TTN: variants seen among roughly 807,000 people sequenced by gnomAD.
TTN encodes the protein connectin.
Under a neutral mutation model 3,223.0 loss-of-function variants are expected in TTN, and 1,525 were observed. The observed-to-expected ratio is 0.47, with a 90% CI of 0.45 to 0.49. The LOEUF (loss-of-function observed/expected upper bound fraction) is 0.49. Among genes scored for constraint, TTN ranks in the 20% least tolerant of loss-of-function variants. TTN has a pLI of 0.00. For missense variants in TTN, 40,786 were observed against 43,424.0 expected (o/e 0.94, Z 5.40); for synonymous variants, 14,094 against 15,161.0 (o/e 0.93, Z 5.17).
At position 178,657,416 on chromosome 2, in the gene TTN, AAT is replaced by A. The variant is rs1214264824; in HGVS notation, c.38038+80_38038+81del. On this transcript the variant is annotated intron_variant, in intron 189 of 362. Transcript: ENST00000589042. ...ACCCTAGAACTTAAAGTATAATAAA[AAT>A]ATATATATATATAAAAAGAAAAATA... The A allele has an allele frequency of 1.7e-3, 940 of 544,078 alleles. 1 individual carries two copies. Among genetic ancestry groups the A allele is most frequent in the South Asian group, 2.7e-3 (42 of 15,524 alleles). 33.7% of individuals were successfully genotyped at this position (544,078 alleles called of 1,614,324 possible).
In TTN at chr2:178,526,732, T is replaced by C. The variant is rs549242855; in HGVS notation, c.*280A>G. 6.2e-5 allele frequency: 16 copies of C among 258,970 alleles called. No homozygotes were observed. The South Asian group carries it at 1.9e-3, about 31-fold the overall frequency. 16.0% of individuals were successfully genotyped at this position (258,970 alleles called of 1,614,324 possible). ...AACTTTCTCCTACCAACAGTTAGTT[T>C]CAAAACTTACATTGTAAAATGTCAT... On this transcript the variant is annotated 3_prime_UTR_variant, in exon 363 of 363. Transcript: ENST00000589042.
At position 178,568,775 on chromosome 2, in the gene TTN, G is replaced by T; in HGVS notation, c.77357C>A (p.Ala25786Glu). The change falls in exon 326 of 363, where the codon GCA becomes GAA. Residue 25786 changes from alanine to glutamate, a missense_variant. Physicochemically the swap from Ala to Glu is moderately radical, Grantham distance 107 (BLOSUM62 -1). Transcript: ENST00000589042. ...EKGRSDPRSLAVPIVAKDLVI... is the reference protein window; with the variant it reads ...EKGRSDPRSLEVPIVAKDLVI... The stretch of plus-strand genomic sequence containing the variant: ...CAGATCTTTGGCAACTATTGGAACT[G>T]CAAGGGACCGAGGATCACTTCTCCC... The T allele has an allele frequency of 2.5e-6, 4 of 1,612,916 alleles. No homozygotes were observed. The highest frequency in any genetic ancestry group is 3.4e-6 in the Non-Finnish European group (4 of 1,179,326).
rs879219987 is a variant in TTN at position 178,548,336 on chromosome 2, C to T, written c.93290G>A (p.Gly31097Asp). ...TGGCATTTCATAGGGCTCACCAACACCATACTCATTTACTGCAGAAACACG... is the reference window on the plus strand; with the variant it reads ...TGGCATTTCATAGGGCTCACCAACATCATACTCATTTACTGCAGAAACACG... The part of the protein sequence containing the change: ...YFRVSAVNEY[G>D]VGEPYEMPEP... The change falls in exon 339 of 363, where the codon GGT becomes GAT. Residue 31097 changes from glycine (G) to aspartate (D), a missense_variant. Gly to Asp is a moderately conservative substitution (Grantham distance 94). Transcript: ENST00000589042. The surrounding 1 kb of genome is among the most constrained non-coding windows in gnomAD (Gnocchi z 4.3). 6.2e-7 allele frequency: 1 copy of T among 1,613,864 alleles called. No individual in the cohort carries two copies.
Position 178,532,425 on chromosome 2 carries a change from G to C in TTN, c.104190C>G (p.Thr34730=). The C allele has an allele frequency of 6.2e-7, 1 of 1,613,956 alleles. No individual in the cohort carries two copies. Among genetic ancestry groups the C allele is most frequent in the Non-Finnish European group, 8.5e-7 (1 of 1,179,880 alleles). ...EETRKDFRYS[T]YHIPTKAEAS... ...CTTCAGCCTTCGTTGGGATGTGATA[G>C]GTTGAATACCTGAAGTCTTTTCTTG... Residue 34730 remains threonine, a synonymous_variant, in exon 358 of 363, where the codon ACC becomes ACG. Transcript: ENST00000589042.
At position 178,562,615 on chromosome 2, in the gene TTN, T is replaced by C; in HGVS notation, c.83517A>G (p.Arg27839=). The change falls in exon 326 of 363, where the codon CGA becomes CGG. Residue 27839 remains arginine (R), a synonymous_variant. Transcript: ENST00000589042. ...NLQEGCSYYF[R]VLASNEYGIG... ...TCCCATATTCATTGGAAGCCAAGAC[T>C]CGGAAGTAGTAAGAACATCCTTCTT... 6.2e-7 allele frequency: 1 copy of C among 1,610,368 alleles called. No homozygotes were observed. Among genetic ancestry groups the C allele is most frequent in the Non-Finnish European group, 8.5e-7 (1 of 1,178,672 alleles).
At position 178,542,437 on chromosome 2, in the gene TTN, CGTT is replaced by C; in HGVS notation, c.97316_97318del (p.Gln32439del). 1 of 1,613,666 alleles carries C rather than the reference CGTT, an allele frequency of 6.2e-7. No homozygotes were observed. The highest frequency in any genetic ancestry group is 8.5e-7 in the Non-Finnish European group (1 of 1,179,712). On this transcript the variant is annotated inframe_deletion, in exon 349 of 363. Transcript: ENST00000589042. Reference sequence around the variant, plus strand: ...CAGCCATCCTGGACGATGAGCGTCACGTTGTTCTACCACATAACCACTCAGTGG... The same window carrying C: ...CAGCCATCCTGGACGATGAGCGTCACGTTCTACCACATAACCACTCAGTGG...
rs794729308 is a variant in TTN, at chr2:178,740,491, G to A, written c.12742C>T (p.Gln4248Ter). Reference sequence around the variant, plus strand: ...TCTTGCTTTTGAAGAGTCACTCTTTGCTCTCTGTTGGTGTCAGATACTGTC... The same window carrying A: ...TCTTGCTTTTGAAGAGTCACTCTTTACTCTCTGTTGGTGTCAGATACTGTC... ...EKTVSDTNRE[Q>*]RVTLQKQEAQ... is the part of the protein sequence containing the mutation. Residue 4248 changes from glutamine to a stop codon, truncating the protein, a stop_gained, in exon 48 of 363, where the codon CAA becomes TAA. Coordinates refer to ENST00000589042, the MANE Select transcript of TTN (RefSeq NM_001267550.2). LOFTEE classifies it high-confidence loss of function. 12 of 1,613,724 alleles carry A rather than the reference G, an allele frequency of 7.4e-6. No homozygotes were observed. The highest frequency in any genetic ancestry group is 1.0e-5 in the Non-Finnish European group (12 of 1,179,794).
intron 159 of TTN, 79 bp downstream of exon 159, chr2:178,669,294 T>C (rs2066536846): frequency 8.3e-7 from 1 of 1,201,524 alleles, no homozygotes; most frequent in South Asian, 1.5e-5. Flanking sequence ...TATTTACTTT[T>C]CAAAGCTAAA....
Position 178,601,408 on chromosome 2 carries a change from T to A in TTN, c.55589A>T (p.Asn18530Ile). Reference sequence around the variant, plus strand: ...AAATGTGGTGCTTCCACAGTCTGGATTGACTTTGGTCCAGGCTTTTCCATC... The same window carrying A: ...AAATGTGGTGCTTCCACAGTCTGGAATGACTTTGGTCCAGGCTTTTCCATC... ...TIDGKAWTKV[N>I]PDCGSTTFVV... The change falls in exon 287 of 363, where the codon AAT becomes ATT. Residue 18530 changes from asparagine (N) to isoleucine (I), a missense_variant. Coordinates refer to ENST00000589042, the MANE Select transcript of TTN (RefSeq NM_001267550.2). The A allele has an allele frequency of 6.2e-7, 1 of 1,612,812 alleles. No individual in the cohort carries two copies. The highest frequency in any genetic ancestry group is 1.3e-5 in the African/African-American group (1 of 74,974).
At position 178,576,312 on chromosome 2, in the gene TTN, C is replaced by T. The variant is rs786205331; in HGVS notation, c.69820G>A (p.Gly23274Ser). The change falls in exon 326 of 363, where the codon GGC (glycine) becomes AGC (serine). Residue 23274 changes from glycine to serine, a missense_variant. Coordinates refer to ENST00000589042, the MANE Select transcript of TTN (RefSeq NM_001267550.2). This position sits in a 1 kb window ranked among gnomAD's most constrained non-coding sequence, Gnocchi z 4.3. Reference protein sequence around the residue: ...PHYDGGLEITGYVVEHQKVGD... With the variant: ...PHYDGGLEITSYVVEHQKVGD... ...ACTTTTTGATGCTCCACGACATAGC[C>T]AGTGATTTCAAGTCCACCATCATAA... 1 of 1,575,402 alleles carries T rather than the reference C, an allele frequency of 6.3e-7. No individual in the cohort carries two copies. Among genetic ancestry groups the T allele is most frequent in the South Asian group, 1.2e-5 (1 of 83,454 alleles).
rs2050026359 is a variant in TTN, at chr2:178,590,723, T to C, written c.61002A>G (p.Gly20334=). 1 of 1,612,442 alleles carries C rather than the reference T, an allele frequency of 6.2e-7. No homozygotes were observed. Among genetic ancestry groups the C allele is most frequent in the Non-Finnish European group, 8.5e-7 (1 of 1,179,180 alleles). ...PIADLKFRVT[G]LYEGNTYEFR... is the part of the protein sequence containing the mutation. ...ACTCATATGTATTTCCTTCATAGAG[T>C]CCAGTCACTCTGAACTTCAGGTCAG... The change falls in exon 304 of 363, where the codon GGA becomes GGG. Residue 20334 remains glycine, a synonymous_variant. Transcript: ENST00000589042.
chr2:178,636,849 G>A lies in TTN; in HGVS notation c.40928-50C>T. On this transcript the variant is annotated intron_variant, in intron 224 of 362. Transcript: ENST00000589042. The surrounding 1 kb of genome is among the most constrained non-coding windows in gnomAD (Gnocchi z 4.3). ...TGATTTGGCATCTCCTTAGGAGTCA[G>A]AAAGTTCATACTTGGCTGCCTGCTG... 1 of 1,506,410 alleles carries A rather than the reference G, an allele frequency of 6.6e-7. No homozygotes were observed. The allele number at this position is 1,506,410 out of a possible 1,614,324, so 93.3% of individuals were successfully genotyped here.
Position 178,619,862 on chromosome 2 carries a change from A to T in TTN, c.46455T>A (p.Pro15485=). 1 of 1,611,092 alleles carries T rather than the reference A, an allele frequency of 6.2e-7. No individual in the cohort carries two copies. The highest frequency in any genetic ancestry group is 1.3e-5 in the African/African-American group (1 of 74,852). ...VEEIPVEIIR[P]PQDILEAPGA... ...CAGGGGCTTCAAGAATATCTTGTGG[A>T]GGCCTGATGATCTCAACAGGAATTT... is the stretch of plus-strand genomic sequence containing the variant. The change falls in exon 250 of 363, where the codon CCT becomes CCA. Residue 15485 remains proline, a synonymous_variant. Coordinates refer to ENST00000589042, the MANE Select transcript of TTN (RefSeq NM_001267550.2).
intron 303 of TTN, 45 bp from the exon 304 acceptor site, chr2:178,591,549 A>G (rs1210665088): frequency 3.8e-6 from 6 of 1,588,094 alleles, no homozygotes; most frequent in Non-Finnish European, 5.1e-6. Flanking sequence ...TTTCACCTAT[A>G]TGAATAATTT....
At position 178,538,480 on chromosome 2, in the gene TTN, G is replaced by A. The variant is rs150983622; in HGVS notation, c.99289+60C>T. ...CCAGGGTTCTACTTAGTATAGAGGG[G>A]GAATTAGCCTTAACTTGTTTAGTTT... On this transcript the variant is annotated intron_variant, in intron 354 of 362. Coordinates refer to ENST00000589042, the MANE Select transcript of TTN (RefSeq NM_001267550.2). 4.0e-6 allele frequency: 6 copies of A among 1,499,524 alleles called. No individual in the cohort carries two copies. The African/African-American group carries it at 8.3e-5, about 21-fold the overall frequency. 92.9% of individuals were successfully genotyped at this position (1,499,524 alleles called of 1,614,324 possible). A position where few individuals can be genotyped will look rare whatever the true frequency, so the allele number is the denominator to read the frequency against.
At position 178,553,695 on chromosome 2, in the gene TTN, A is replaced by G. The variant is rs1182574541; in HGVS notation, c.89310T>C (p.Val29770=). The change falls in exon 334 of 363, where the codon GTT becomes GTC. Residue 29770 remains valine, a synonymous_variant. Coordinates refer to ENST00000589042, the MANE Select transcript of TTN (RefSeq NM_001267550.2). The stretch of plus-strand genomic sequence containing the variant: ...CTTCCTCTCCTTGTCTTATCTCGAC[A>G]ACATACCCAGTAACAGCACTGCCCC... The part of the protein sequence containing the change: ...YDGGSAVTGY[V]VEIRQGEEEE... 6.2e-7 allele frequency: 1 copy of G among 1,613,852 alleles called. No individual in the cohort carries two copies. Among genetic ancestry groups the G allele is most frequent in the East Asian group, 2.2e-5 (1 of 44,836 alleles).
Position 178,533,482 on chromosome 2 carries a change from T to C in TTN, c.103133A>G (p.Gln34378Arg), listed in dbSNP as rs779618819. The C allele has an allele frequency of 6.2e-7, 1 of 1,613,438 alleles. No individual in the cohort carries two copies. Among genetic ancestry groups the C allele is most frequent in the Non-Finnish European group, 8.5e-7 (1 of 1,179,416 alleles). Residue 34378 changes from glutamine to arginine, a missense_variant, in exon 358 of 363, where the codon CAA becomes CGA. Coordinates refer to ENST00000589042, the MANE Select transcript of TTN (RefSeq NM_001267550.2). ...LLANAECQEG[Q>R]SVCFEIRVSG... is the part of the protein sequence containing the mutation. ...CACTCTGATCTCAAAGCAGACACTT[T>C]GGCCTTCTTGGCATTCTGCATTTGC...
chr2:178,573,823 T>A lies in TTN; in HGVS notation c.72309A>T (p.Thr24103=), dbSNP rs1404176682. Residue 24103 remains threonine, a synonymous_variant, in exon 326 of 363, where the codon ACA becomes ACT. Coordinates refer to ENST00000589042, the MANE Select transcript of TTN (RefSeq NM_001267550.2). ...TRRDSGAYTL[T]ATNPGGFAKH... Reference sequence around the variant, plus strand: ...TAGCAAAGCCACCAGGATTAGTCGCTGTAAGGGTATAGGCACCACTATCCC... The same window carrying A: ...TAGCAAAGCCACCAGGATTAGTCGCAGTAAGGGTATAGGCACCACTATCCC... 6.2e-7 allele frequency: 1 copy of A among 1,612,184 alleles called. No individual in the cohort carries two copies. The highest frequency in any genetic ancestry group is 2.2e-5 in the East Asian group (1 of 44,742).
chr2:178,592,134 A>T lies in TTN; in HGVS notation c.59770T>A (p.Trp19924Arg). 6.2e-7 allele frequency: 1 copy of T among 1,612,918 alleles called. No individual in the cohort carries two copies. The highest frequency in any genetic ancestry group is 1.1e-5 in the South Asian group (1 of 91,044). The stretch of plus-strand genomic sequence containing the variant: ...TTTGATGTAGCTGAGAGAGGTGACC[A>T]CTGGGCGCTGGCAACATCTCTCCTC... Reference protein sequence around the residue: ...VERRDVASAQWSPLSATSKKK... With the variant: ...VERRDVASAQRSPLSATSKKK... Residue 19924 changes from tryptophan (W) to arginine (R), a missense_variant, in exon 302 of 363, where the codon TGG (tryptophan) becomes AGG (arginine). Transcript: ENST00000589042.
Sources: gnomAD v4.1 joint callset for allele counts on GRCh38, gnomAD v4.1.1 for gene constraint, Gnocchi (gnomAD v3.1) non-coding constraint, MANE v1.5 for transcripts, NCBI Gene and HGNC (gene_info 2026-07-23, HGNC 2026-07-21) for gene names.